The following PDCD2L variants were observed in gnomAD, a reference collection of about 807,000 sequenced individuals.
The protein encoded by PDCD2L is uS5 assembly chaperone PDCD2L.
PDCD2L carries 44 observed loss-of-function variants against 40.4 expected under a neutral mutation model. That is an observed-to-expected ratio of 1.09 (90% CI 0.86 to 1.40). The LOEUF (loss-of-function observed/expected upper bound fraction) is 1.40. PDCD2L is among the 40% of genes most tolerant of loss of function. PDCD2L has a pLI of 0.00. For missense variants in PDCD2L, 470 were observed against 453.7 expected (o/e 1.04, Z -0.33); for synonymous variants, 194 against 174.6 (o/e 1.11, Z -0.88).
intron 4 of PDCD2L, among the ~76,000 whole-genome samples, chr19:34,410,859 A>G (rs911169601): frequency 3.3e-5 from 5 of 150,432 alleles, no homozygotes; most frequent in African/African-American, 7.3e-5. Context: ...ATCTCGGCTC[A>G]CTGCAACCTC....
rs35392752 is a variant in PDCD2L at position 34,425,301 on chromosome 19, C to CT, written c.947-672dup. ...GTCCTATGATATATATTTCTCTCTT[C>CT]TTTTTTTTTTTTTTTTTAAGACAGG... On this transcript the variant is annotated intron_variant, in intron 6 of 6. Transcript: ENST00000246535. Among the ~76,000 whole-genome samples, 464 of 132,140 alleles carry CT rather than the reference C, an allele frequency of 3.5e-3. 2 individuals are homozygous for CT. Among genetic ancestry groups the CT allele is most frequent in the South Asian group, 8.3e-3 (34 of 4,092 alleles). The allele number at this position is 132,140 out of a possible 152,430, so 86.7% of individuals were successfully genotyped here. A position where few individuals can be genotyped will look rare whatever the true frequency, so the allele number is the denominator to read the frequency against.
At position 34,419,773 on chromosome 19, in the gene PDCD2L, CTTTTTTTTT is replaced by C. The variant is rs754032924; in HGVS notation, c.798-1733_798-1725del. Reference sequence around the variant, plus strand: ...CTTTTATTTTTAACTCTTTATGTTGCTTTTTTTTTTTTTTTTTTTTTAAGAGATTGGGTC... The same window carrying C: ...CTTTTATTTTTAACTCTTTATGTTGCTTTTTTTTTTTTAAGAGATTGGGTC... On this transcript the variant is annotated intron_variant, in intron 5 of 6. Coordinates refer to ENST00000246535, the MANE Select transcript of PDCD2L (RefSeq NM_032346.2). Among the ~76,000 whole-genome samples, 11 of 36,640 alleles carry C rather than the reference CTTTTTTTTT, an allele frequency of 3.0e-4. 1 individual carries two copies. The highest frequency in any genetic ancestry group is 1.2e-3 in the African/African-American group (11 of 9,386). 24.0% of individuals were successfully genotyped at this position (36,640 alleles called of 152,430 possible). A position where few individuals can be genotyped will look rare whatever the true frequency, so the allele number is the denominator to read the frequency against.
chr19:34,422,082 C>G (rs2075154267), intron 6 of PDCD2L: 1 of 139,032 alleles, frequency 7.2e-6, no homozygotes, highest in Admixed American at 7.3e-5. Flanking sequence ...TGAGGAGACT[C>G]TGTCTCAAAA....
intron 4 of PDCD2L, among the ~76,000 whole-genome samples, chr19:34,411,832 T>G (rs1039185257): frequency 6.6e-6 from 1 of 151,512 alleles, no homozygotes; most frequent in Non-Finnish European, 1.5e-5. Flanking sequence ...TTTTTGTATT[T>G]TTAGTAGAGA....
chr19:34,409,297 G>A lies in PDCD2L; in HGVS notation c.473G>A (p.Trp158Ter). 1 of 1,614,148 alleles carries A rather than the reference G, an allele frequency of 6.2e-7. No homozygotes were observed. Among genetic ancestry groups the A allele is most frequent in the South Asian group, 1.1e-5 (1 of 91,074 alleles). ...NDASSAKDVDWTARLQDLRLQ... is the reference protein window; with the variant it reads ...NDASSAKDVD ...GCCAGCAGTGCCAAAGACGTAGACT[G>A]GACTGCTCGGCTCCAAGACCTCCGC... Residue 158 changes from tryptophan (W) to a stop codon, truncating the protein, a stop_gained, in exon 4 of 7, where the codon TGG (tryptophan) becomes TAG (stop). Transcript: ENST00000246535. LOFTEE classifies it high-confidence loss of function.
At chr19:34,405,093 T>G (rs968700501) in intron 3 of PDCD2L, 103 bp downstream of exon 3, 1 of 1,182,452 alleles carries the variant, frequency 8.5e-7, no homozygotes, top group African/African-American at 1.6e-5. Context: ...TGAAGTACAC[T>G]GGAGTGTTTT....
At chr19:34,406,419 T>G (rs2075075976) in intron 3 of PDCD2L, among the ~76,000 whole-genome samples, 1 of 151,562 alleles carries the variant, frequency 6.6e-6, no homozygotes, top group South Asian at 2.1e-4. Context: ...GGAGTCTTGC[T>G]CTGTTGCCCA....
intron 6 of PDCD2L, chr19:34,422,093 A>G (rs1350963376): frequency 2.0e-5 from 3 of 151,554 alleles, no homozygotes; most frequent in South Asian, 2.1e-4. Flanking sequence ...TGTCTCAAAA[A>G]AAAAAAAAGA....
intron 4 of PDCD2L, among the ~76,000 whole-genome samples, chr19:34,411,965 T>TAC (rs1166205643): frequency 7.2e-6 from 1 of 138,560 alleles, no homozygotes; most frequent in Middle Eastern, 3.9e-3. Flanking sequence ...GAAAAATACA[T>TAC]ATATATATAT....
intron 6 of PDCD2L, 78 bp downstream of exon 6, chr19:34,421,745 TATAAAATATC>T: frequency 3.4e-6 from 5 of 1,479,788 alleles, no homozygotes; most frequent in Non-Finnish European, 4.5e-6. Context: ...TTTGTTTACT[TATAAAATATC>T]ATAAGCAAAT....
chr19:34,412,740 A>G (rs558369961), intron 4 of PDCD2L, among the ~76,000 whole-genome samples: 5 of 149,458 alleles, frequency 3.3e-5, no homozygotes, highest in Middle Eastern at 3.5e-3. Context: ...AAATTACTTG[A>G]CAGTTTTACA....
chr19:34,404,664 G>C lies in PDCD2L; in HGVS notation c.124G>C (p.Val42Leu). 1 of 1,611,336 alleles carries C rather than the reference G, an allele frequency of 6.2e-7. No individual in the cohort carries two copies. Among genetic ancestry groups the C allele is most frequent in the African/African-American group, 1.3e-5 (1 of 75,046 alleles). The change falls in exon 2 of 7, where the codon GTG (valine) becomes CTG (leucine). Residue 42 changes from valine to leucine, a missense_variant. Val to Leu is a conservative substitution (Grantham distance 32, BLOSUM62 1). Transcript: ENST00000246535. ...LGGIPDALPT[V>L]AAPRPVCQRC... Reference sequence around the variant, plus strand: ...GTCCCCTCAGGATGCTCTGCCCACCGTGGCTGCGCCCAGGCCCGTGTGTCA... The same window carrying C: ...GTCCCCTCAGGATGCTCTGCCCACCCTGGCTGCGCCCAGGCCCGTGTGTCA...
intron 4 of PDCD2L, among the ~76,000 whole-genome samples, chr19:34,413,410 A>T (rs1260047041): frequency 7.2e-6 from 1 of 139,526 alleles, no homozygotes; most frequent in Non-Finnish European, 1.5e-5. Context: ...ATCTCGGCTC[A>T]CTGCAACTTC....
Position 34,405,277 on chromosome 19 carries a change from G to A in PDCD2L, c.336+287G>A, listed in dbSNP as rs1048557982. On this transcript the variant is annotated intron_variant, in intron 3 of 6. Transcript: ENST00000246535. ...TTCTCCTGCCTCAGCCTCCCTAGTA[G>A]CTGGGATTACAGGCATATGCCACCA... is the stretch of plus-strand genomic sequence containing the variant. 2.0e-5 allele frequency among the ~76,000 whole-genome samples: 3 copies of A among 149,916 alleles called. No homozygotes were observed. The Admixed American group carries it at 2.0e-4, about 10-fold the overall frequency.
At chr19:34,408,433 C>T (rs971226797) in intron 3 of PDCD2L, among the ~76,000 whole-genome samples, 5 of 151,976 alleles carry the variant, frequency 3.3e-5, no homozygotes, top group East Asian at 1.9e-4. Context: ...CGGGTTCAAG[C>T]GATTCTCCTG....
chr19:34,422,805 T>G (rs918959094), intron 6 of PDCD2L, among the ~76,000 whole-genome samples: 2 of 151,966 alleles, frequency 1.3e-5, no homozygotes, highest in Non-Finnish European at 2.9e-5. Context: ...AAGCTCCGCC[T>G]CCCGGGTTCA....
Position 34,404,688 on chromosome 19 carries a change from CAGCG to C in PDCD2L, c.149_152del (p.Gln50ProfsTer106), listed in dbSNP as rs772365703. ...CGTGGCTGCGCCCAGGCCCGTGTGT[CAGCG>C]CTGCGGGCAGCCGCTCGCTCTGGTC... On this transcript the variant is annotated frameshift_variant, in exon 2 of 7. Transcript: ENST00000246535. LOFTEE classifies it high-confidence loss of function. 1.2e-6 allele frequency: 2 copies of C among 1,612,198 alleles called. No homozygotes were observed. The highest frequency in any genetic ancestry group is 2.2e-5 in the South Asian group (2 of 91,068).
At chr19:34,405,409 G>A (rs1180515539) in intron 3 of PDCD2L, among the ~76,000 whole-genome samples, 1 of 150,214 alleles carries the variant, frequency 6.7e-6, no homozygotes, top group Admixed American at 6.6e-5. Context: ...GCCTCCCAAA[G>A]TGCTGGGATT....
chr19:34,404,724 G>A lies in PDCD2L; in HGVS notation c.184G>A (p.Val62Met), dbSNP rs1391855695. ...CGQPLALVVQ[V>M]YCPLEGSPFH... is the part of the protein sequence containing the mutation. ...GCAGCCGCTCGCTCTGGTCGTGCAG[G>A]TGTATTGCCCGCTGGAAGGCTCCCC... The change falls in exon 2 of 7, where the codon GTG becomes ATG. Residue 62 changes from valine (V) to methionine (M), a missense_variant. Physicochemically the swap from Val to Met is conservative, Grantham distance 21 (BLOSUM62 1). Coordinates refer to ENST00000246535, the MANE Select transcript of PDCD2L (RefSeq NM_032346.2). The A allele has an allele frequency of 1.2e-6, 2 of 1,612,408 alleles. No individual in the cohort carries two copies. The highest frequency in any genetic ancestry group is 2.2e-5 in the East Asian group (1 of 44,876).
Sources: allele counts gnomAD v4.1 joint callset (sites outside exome capture counted in the v4.1 genomes callset), GRCh38; gene constraint gnomAD v4.1.1; transcripts MANE v1.5; gene names NCBI Gene and HGNC (gene_info 2026-07-23, HGNC 2026-07-21).